Variants in CFAP43 observed in about 807,000 individuals in gnomAD.
The protein encoded by CFAP43 is cilia and flagella associated protein 43.
CFAP43 carries 155 observed loss-of-function variants against 218.9 expected under a neutral mutation model. That is an observed-to-expected ratio of 0.71 (90% confidence interval 0.62 to 0.81). CFAP43 has a LOEUF of 0.81. Among genes scored for constraint, CFAP43 ranks in the 30% least tolerant of loss-of-function variants. CFAP43 has a pLI of 0.00. For synonymous variants in CFAP43, 645 were observed against 681.3 expected (o/e 0.95, Z 0.83); for missense variants, 1,778 against 1,954.3 (o/e 0.91, Z 1.70).
chr10:104,196,882 A>G lies in CFAP43; in HGVS notation c.1264T>C (p.Cys422Arg). The part of the protein sequence containing the change: ...ICVWWLEDCA[C>R]VSKIYLNTLA... ...GTATTCAGATAAATCTTGCTTACAC[A>G]AGCACAATCCTCCAGCCACCAAACA... The change falls in exon 10 of 38, where the codon TGT becomes CGT. Residue 422 changes from cysteine to arginine, a missense_variant. Around this residue, in one of 3 missense-constraint regions of CFAP43, gnomAD observed 1,553 missense variants for 1,685.2 expected, o/e 0.92. Transcript: ENST00000357060. 6.2e-7 allele frequency: 1 copy of G among 1,613,302 alleles called. No homozygotes were observed. The highest frequency in any genetic ancestry group is 8.5e-7 in the Non-Finnish European group (1 of 1,179,650).
At chr10:104,138,418 G>C (rs550816884) in intron 34 of CFAP43, among the ~76,000 whole-genome samples, 2 of 152,298 alleles carry the variant, frequency 1.3e-5, no homozygotes, top group African/African-American at 4.8e-5. Context: ...GCTCAGGCTT[G>C]TAATCCCAAC....
chr10:104,147,453 C>T (rs377487698), intron 29 of CFAP43, among the ~76,000 whole-genome samples: 16 of 151,850 alleles, frequency 1.1e-4, no homozygotes, highest in Non-Finnish European at 2.2e-4. Context: ...TTTCATAATA[C>T]GGCAGTTTTT....
intron 20 of CFAP43, among the ~76,000 whole-genome samples, 189 bp downstream of exon 20, chr10:104,172,221 C>T (rs1489730853): frequency 6.6e-6 from 1 of 152,166 alleles, no homozygotes; most frequent in Non-Finnish European, 1.5e-5. Context: ...AGATGTTCTC[C>T]CTGCTCCTAA....
chr10:104,177,172 A>AAAGT (rs2089660410), intron 19 of CFAP43, among the ~76,000 whole-genome samples: 1 of 152,188 alleles, frequency 6.6e-6, no homozygotes, highest in Non-Finnish European at 1.5e-5. Context: ...GGAAGAAGAA[A>AAAGT]ACACCTAGGG....
chr10:104,130,413 T>C, intron 37 of CFAP43, 108 bp from the exon 38 acceptor site: 1 of 1,233,224 alleles, frequency 8.1e-7, no homozygotes, highest in African/African-American at 1.5e-5. Context: ...CAAAAAGGCA[T>C]ATGCACTTGT....
rs73331598 is a variant in CFAP43 at position 104,162,844 on chromosome 10, C to T, written c.3247-441G>A. 2.4e-3 allele frequency among the ~76,000 whole-genome samples: 361 copies of T among 152,036 alleles called. 2 individuals are homozygous for T. The highest frequency in any genetic ancestry group is 7.9e-3 in the African/African-American group (327 of 41,456). The stretch of plus-strand genomic sequence containing the variant: ...TGGGGTGGGCATTTAGGAGGAGGCT[C>T]GTGGGCTTTATCCCAAGTGAAGTGA... On this transcript the variant is annotated intron_variant, in intron 24 of 37. Coordinates refer to ENST00000357060, the MANE Select transcript of CFAP43 (RefSeq NM_025145.7).
chr10:104,201,624 T>A lies in CFAP43; in HGVS notation c.1095+2048A>T, dbSNP rs117758409. Reference sequence around the variant, plus strand: ...TATACCCTGCTCTGCCCCCCCCAACTTATATTATTGTTATTTGGGATTTTA... The same window carrying A: ...TATACCCTGCTCTGCCCCCCCCAACATATATTATTGTTATTTGGGATTTTA... On this transcript the variant is annotated intron_variant, in intron 8 of 37. Coordinates refer to ENST00000357060, the MANE Select transcript of CFAP43 (RefSeq NM_025145.7). 1.2e-3 allele frequency among the ~76,000 whole-genome samples: 187 copies of A among 152,240 alleles called. 1 individual carries two copies. In the East Asian group the frequency reaches 0.021, roughly 17 times the overall value.
chr10:104,188,471 C>A, intron 12 of CFAP43, 61 bp from the exon 13 acceptor site: 2 of 1,570,818 alleles, frequency 1.3e-6, no homozygotes, highest in Non-Finnish European at 1.7e-6. Context: ...TGATCTTTTA[C>A]CTTTCCAATT....
At chr10:104,137,786 G>A (rs749781504) in intron 34 of CFAP43, among the ~76,000 whole-genome samples, 6 of 152,166 alleles carry the variant, frequency 3.9e-5, no homozygotes, top group Non-Finnish European at 7.4e-5. Flanking sequence ...AGATGACAGA[G>A]CCAGACCCTG....
At chr10:104,149,118 T>C (rs1275881266) in intron 28 of CFAP43, among the ~76,000 whole-genome samples, 1 of 152,210 alleles carries the variant, frequency 6.6e-6, no homozygotes. Flanking sequence ...TGCCTGTATA[T>C]TCATGGTGTA....
chr10:104,211,880 T>C, intron 5 of CFAP43, 127 bp downstream of exon 5: 3 of 1,090,612 alleles, frequency 2.8e-6, no homozygotes. Context: ...GTGGCTAATC[T>C]ATATTAAAAA....
At chr10:104,164,341 T>C (rs2089036817) in intron 23 of CFAP43, 41 bp from the exon 24 acceptor site, 1 of 1,353,532 alleles carries the variant, frequency 7.4e-7, no homozygotes, top group African/African-American at 1.5e-5. Flanking sequence ...TCACATATTA[T>C]ATCTTTACTG....
chr10:104,144,160 C>T (rs1254566325), intron 31 of CFAP43, among the ~76,000 whole-genome samples: 1 of 152,192 alleles, frequency 6.6e-6, no homozygotes, highest in Non-Finnish European at 1.5e-5. Flanking sequence ...CATCCCCATT[C>T]TCTAGATGAG....
chr10:104,224,698 T>C (rs1163089086), intron 3 of CFAP43, among the ~76,000 whole-genome samples: 1 of 137,226 alleles, frequency 7.3e-6, no homozygotes, highest in Non-Finnish European at 1.5e-5. Context: ...GAGGTTGCAG[T>C]GAGCTGAGAT....
intron 35 of CFAP43, chr10:104,132,567 A>AT (rs1476038081): frequency 1.2e-6 from 1 of 836,718 alleles, no homozygotes. Context: ...GTGAGCGGAT[A>AT]TCACACCATT....
intron 10 of CFAP43, among the ~76,000 whole-genome samples, chr10:104,194,867 G>C (rs1429309873): frequency 6.6e-6 from 1 of 152,218 alleles, no homozygotes; most frequent in East Asian, 1.9e-4. Flanking sequence ...GATCCCATAT[G>C]TGGTGACAAA....
chr10:104,181,988 C>T (rs776601608), intron 17 of CFAP43, among the ~76,000 whole-genome samples: 43 of 152,164 alleles, frequency 2.8e-4, no homozygotes, highest in Non-Finnish European at 5.7e-4. Flanking sequence ...ACTCTGTAGG[C>T]ACTCTATAAA....
At chr10:104,131,285 T>C in intron 37 of CFAP43, 46 bp downstream of exon 37, 1 of 1,583,102 alleles carries the variant, frequency 6.3e-7, no homozygotes, top group Non-Finnish European at 8.5e-7. Flanking sequence ...TACTGATTAC[T>C]TTTAAAGAAA....
chr10:104,228,914 T>C (rs896507973), intron 2 of CFAP43, among the ~76,000 whole-genome samples: 3 of 152,162 alleles, frequency 2.0e-5, no homozygotes, highest in Non-Finnish European at 2.9e-5. Flanking sequence ...TATTAAATAA[T>C]AGTGATAACA....
Sources: allele counts gnomAD v4.1 joint callset (sites outside exome capture counted in the v4.1 genomes callset), GRCh38; gene constraint gnomAD v4.1.1; regional missense constraint gnomAD v4.1.1; transcripts MANE v1.5; gene names NCBI Gene and HGNC (gene_info 2026-07-23, HGNC 2026-07-21).